OCM: variants seen among roughly 807,000 people sequenced by gnomAD.
OCM encodes the protein oncomodulin, also known as oncomodulin-1.
Under a neutral mutation model 14.1 loss-of-function variants are expected in OCM, and 18 were observed. The observed-to-expected ratio is 1.28, with a 90% CI of 0.88 to 1.89. The LOEUF (loss-of-function observed/expected upper bound fraction) is 1.89. OCM is among the 40% of genes most tolerant of loss of function. The pLI is 0.00. For synonymous variants in OCM, 48 were observed against 51.0 expected (o/e 0.94, Z 0.25); for missense variants, 140 against 137.6 (o/e 1.02, Z -0.09).
In OCM at chr7:5,880,869, T is replaced by C; in HGVS notation, c.-21T>C. The C allele has an allele frequency of 6.2e-7, 1 of 1,613,368 alleles. No homozygotes were observed. Among genetic ancestry groups the C allele is most frequent in the South Asian group, 1.1e-5 (1 of 91,064 alleles). ...TTTGTGGCTTATCGCCTCTCATTTA[T>C]TCTGTGTGAGTAGGTAGAAAATGAG... On this transcript the variant is annotated 5_prime_UTR_variant, in exon 1 of 4. Coordinates refer to ENST00000242104, the MANE Select transcript of OCM (RefSeq NM_001097622.2).
the OCM span, among the ~76,000 whole-genome samples, chr7:5,867,729 G>A: frequency 6.6e-6 from 1 of 151,780 alleles, no homozygotes; most frequent in Admixed American, 6.6e-5. Flanking sequence ...CTATTGTGAT[G>A]TGGGGGTGTT....
chr7:5,863,306 C>T, the OCM span, among the ~76,000 whole-genome samples: 5 of 152,158 alleles, frequency 3.3e-5, no homozygotes, highest in East Asian at 5.8e-4. Flanking sequence ...TCCTCCCGGG[C>T]GTGTCCTCAA....
chr7:5,882,342 T>C, intron 1 of OCM, 151 bp from the exon 2 acceptor site: 2 of 864,196 alleles, frequency 2.3e-6, no homozygotes, highest in South Asian at 3.2e-5. Flanking sequence ...CCATCAAGTC[T>C]TGGCTGTCCC....
At chr7:5,885,950 T>A (rs1781326081) in intron 3 of OCM, 114 bp from the exon 4 acceptor site, 6 of 1,155,432 alleles carry the variant, frequency 5.2e-6, no homozygotes, top group Non-Finnish European at 7.8e-6. Context: ...GCCATGCCCA[T>A]CATCTGACAA....
the OCM span, among the ~76,000 whole-genome samples, chr7:5,869,417 G>T: frequency 6.6e-6 from 1 of 152,132 alleles, no homozygotes; most frequent in East Asian, 1.9e-4. Context: ...GACCAACATG[G>T]TGAAACCCTG....
At chr7:5,864,623 C>T in the OCM span, among the ~76,000 whole-genome samples, 4 of 152,120 alleles carry the variant, frequency 2.6e-5, no homozygotes, top group Non-Finnish European at 5.9e-5. Flanking sequence ...CACCCAGGCA[C>T]TTAATAATTA....
intron 2 of OCM, 107 bp from the exon 3 acceptor site, chr7:5,883,783 A>T: frequency 7.4e-7 from 1 of 1,348,530 alleles, no homozygotes; most frequent in Non-Finnish European, 1.0e-6. Context: ...TTGGTTAATT[A>T]TTGCCGGTGC....
At chr7:5,860,321 GCAGTTT>G in the OCM span, among the ~76,000 whole-genome samples, 4,658 of 148,188 alleles carry the variant, frequency 0.031, 109 homozygotes, top group Non-Finnish European at 0.045. Flanking sequence ...ACATGCCTAA[GCAGTTT>G]GGGGCTCTCC....
chr7:5,861,203 C>T, the OCM span, among the ~76,000 whole-genome samples: 37 of 152,074 alleles, frequency 2.4e-4, no homozygotes, highest in Non-Finnish European at 5.0e-4. Flanking sequence ...AGGCAGATCA[C>T]CTGAGGTCAG....
At chr7:5,869,614 T>A in the OCM span, among the ~76,000 whole-genome samples, 1 of 151,898 alleles carries the variant, frequency 6.6e-6, no homozygotes, top group African/African-American at 2.4e-5. Flanking sequence ...TTTAAAAATT[T>A]AAAAAATATA....
the OCM span, among the ~76,000 whole-genome samples, chr7:5,859,815 A>C: frequency 5.3e-5 from 8 of 152,008 alleles, no homozygotes; most frequent in Non-Finnish European, 1.0e-4. Context: ...CTCCTGCCTC[A>C]GCCTCGTGAG....
At chr7:5,863,547 T>TC in the OCM span, among the ~76,000 whole-genome samples, 5 of 150,280 alleles carry the variant, frequency 3.3e-5, no homozygotes, top group South Asian at 2.1e-4. Flanking sequence ...TTTTTTTTTT[T>TC]CTCAAGATGG....
upstream of OCM, among the ~76,000 whole-genome samples, chr7:5,878,875 TAAAAAA>T (rs57901741): frequency 9.8e-6 from 1 of 102,014 alleles, no homozygotes; most frequent in Non-Finnish European, 1.9e-5. Context: ...TGCTGAAAGT[TAAAAAA>T]AAAAAAAAAA....
chr7:5,861,325 G>A, the OCM span, among the ~76,000 whole-genome samples: 1 of 151,984 alleles, frequency 6.6e-6, no homozygotes, highest in South Asian at 2.1e-4. Flanking sequence ...GGAGGCTGAG[G>A]CAAGAAAATG....
At chr7:5,864,221 C>T in the OCM span, among the ~76,000 whole-genome samples, 3 of 151,590 alleles carry the variant, frequency 2.0e-5, no homozygotes, top group Non-Finnish European at 4.4e-5. Context: ...TGCCTGTGGT[C>T]CCAGCTCCTG....
upstream of OCM, among the ~76,000 whole-genome samples, chr7:5,877,417 G>A (rs1262855291): frequency 2.0e-5 from 3 of 149,554 alleles, no homozygotes; most frequent in East Asian, 2.0e-4. Flanking sequence ...GCAGTGAGCC[G>A]AGATCACACT....
At chr7:5,879,402 G>A (rs183566085), upstream of OCM, among the ~76,000 whole-genome samples, 661 of 152,262 alleles carry the variant, frequency 4.3e-3, 6 homozygotes, top group Non-Finnish European at 4.0e-3. Flanking sequence ...CCTGTCTCCT[G>A]TGCCGGGTGA....
At chr7:5,877,994 G>A (rs141736125), upstream of OCM, among the ~76,000 whole-genome samples, 11,632 of 145,516 alleles carry the variant, frequency 0.08, 766 homozygotes, top group East Asian at 0.25. Context: ...TTTTTGAGGC[G>A]GAATCTCGCT....
At position 5,882,476 on chromosome 7, in the gene OCM, A is replaced by G; in HGVS notation, c.62-17A>G. On this transcript the variant is annotated splice_polypyrimidine_tract_variant and intron_variant, in intron 1 of 3. Transcript: ENST00000242104. ...TGATCCAACAAGCGTCAGAATAACC[A>G]ATTCTCTGTTCTTCAGACCCAGACA... is the stretch of plus-strand genomic sequence containing the variant. 1.2e-6 allele frequency: 2 copies of G among 1,613,658 alleles called. No homozygotes were observed. The highest frequency in any genetic ancestry group is 1.7e-6 in the Non-Finnish European group (2 of 1,179,692).
Sources: allele counts gnomAD v4.1 joint callset (sites outside exome capture counted in the v4.1 genomes callset), GRCh38; gene constraint gnomAD v4.1.1; transcripts MANE v1.5; gene names NCBI Gene and HGNC (gene_info 2026-07-23, HGNC 2026-07-21).